The following PECAM1 variants were observed in gnomAD, a reference collection of about 807,000 sequenced individuals.
PECAM1 encodes platelet and endothelial cell adhesion molecule 1.
Under a neutral mutation model 13.8 loss-of-function variants are expected in PECAM1, and 8 were observed. The ratio of observed to expected loss-of-function variants is 0.58; its 90% CI spans 0.34 to 1.05. The LOEUF (loss-of-function observed/expected upper bound fraction) is 1.05. PECAM1 is among the 50% of genes least tolerant of loss of function. The pLI, the probability that PECAM1 is intolerant of heterozygous loss-of-function variation, is 0.03. For missense variants in PECAM1, 304 were observed against 141.2 expected (o/e 2.15, Z -5.84); for synonymous variants, 136 against 52.6 (o/e 2.58, Z -6.86).
intron 2 of PECAM1, among the ~76,000 whole-genome samples, chr17:64,386,878 G>A (rs2036604471): frequency 6.6e-6 from 1 of 152,196 alleles, no homozygotes. Context: ...TCAAAGGTCA[G>A]CCTGTGTTAA....
At chr17:64,357,651 C>T (rs971169752) in intron 7 of PECAM1, among the ~76,000 whole-genome samples, 1,752 of 152,310 alleles carry the variant, frequency 0.012, 33 homozygotes, top group African/African-American at 0.04. Flanking sequence ...CCACCACCCA[C>T]CAGCTGTCTG....
At chr17:64,360,000 C>G in intron 7 of PECAM1, 140 bp downstream of exon 7, 1 of 469,728 alleles carries the variant, frequency 2.1e-6, no homozygotes, top group East Asian at 3.1e-5. Context: ...GATTCACCGG[C>G]CTTGGCCTCC....
At chr17:64,384,359 C>T (rs2036547665) in intron 2 of PECAM1, among the ~76,000 whole-genome samples, 1 of 152,176 alleles carries the variant, frequency 6.6e-6, no homozygotes, top group Non-Finnish European at 1.5e-5. Context: ...ACAACCACCA[C>T]CACCTCCCTT....
chr17:64,333,791 C>G (rs2035191652), intron 14 of PECAM1, among the ~76,000 whole-genome samples: 1 of 151,556 alleles, frequency 6.6e-6, no homozygotes. Context: ...AACCCCATCT[C>G]TACTAAAATA....
intron 12 of PECAM1, 61 bp from the exon 13 acceptor site, chr17:64,348,383 T>A (rs1290426643): frequency 4.3e-6 from 2 of 468,294 alleles, no homozygotes; most frequent in Admixed American, 3.2e-5. Context: ...GCACCTCAGA[T>A]CATAGAAGTA....
chr17:64,354,797 T>C (rs993856243), intron 9 of PECAM1, 136 bp downstream of exon 9: 85 of 412,362 alleles, frequency 2.1e-4, no homozygotes, highest in Non-Finnish European at 3.2e-4. Context: ...TTATCTTTTC[T>C]GGTTTGCCCA....
intron 13 of PECAM1, among the ~76,000 whole-genome samples, chr17:64,343,845 A>AT (rs2035493617): frequency 6.6e-6 from 1 of 152,116 alleles, no homozygotes; most frequent in African/African-American, 2.4e-5. Flanking sequence ...AGCTGTAGGG[A>AT]TCCCCAACCC....
At chr17:64,342,047 A>AT (rs1364214665) in intron 13 of PECAM1, among the ~76,000 whole-genome samples, 1 of 151,428 alleles carries the variant, frequency 6.6e-6, no homozygotes, top group Non-Finnish European at 1.5e-5. Flanking sequence ...GTTACTCGAG[A>AT]GCTAAGGGAC....
At chr17:64,346,109 C>T (rs1484940218) in intron 13 of PECAM1, among the ~76,000 whole-genome samples, 1 of 152,166 alleles carries the variant, frequency 6.6e-6, no homozygotes, top group Non-Finnish European at 1.5e-5. Flanking sequence ...AAAACTACCC[C>T]AGGCCTGCCT....
chr17:64,342,925 A>T (rs1294934801), intron 13 of PECAM1, among the ~76,000 whole-genome samples: 5 of 152,138 alleles, frequency 3.3e-5, no homozygotes, highest in African/African-American at 1.2e-4. Context: ...ATGTACAAAC[A>T]TGCAATCTGG....
chr17:64,332,367 T>C (rs9912788), intron 14 of PECAM1, among the ~76,000 whole-genome samples: 14,891 of 52,932 alleles, frequency 0.28, 1,258 homozygotes, highest in African/African-American at 0.4. Flanking sequence ...TGGAACCTCT[T>C]TCCCAACAGC....
chr17:64,385,859 T>C (rs1046200630), intron 2 of PECAM1, among the ~76,000 whole-genome samples: 5 of 152,194 alleles, frequency 3.3e-5, no homozygotes, highest in African/African-American at 7.2e-5. Flanking sequence ...CTTCTGGGCA[T>C]GGCCCATTAC....
intron 2 of PECAM1, among the ~76,000 whole-genome samples, 198 bp from the exon 3 acceptor site, chr17:64,378,315 A>G (rs2036408450): frequency 6.6e-6 from 1 of 152,146 alleles, no homozygotes; most frequent in Admixed American, 6.6e-5. Flanking sequence ...CTAAGCTGCA[A>G]CTTTTCCCAC....
intron 9 of PECAM1, among the ~76,000 whole-genome samples, chr17:64,354,085 AC>A (rs2035795116): frequency 6.6e-6 from 1 of 151,780 alleles, no homozygotes; most frequent in East Asian, 1.9e-4. Context: ...AATTACAGGC[AC>A]CCATCACCAC....
intron 11 of PECAM1, among the ~76,000 whole-genome samples, chr17:64,351,704 T>TA (rs1309033509): frequency 3.4e-5 from 5 of 148,092 alleles, no homozygotes; most frequent in Non-Finnish European, 6.0e-5. Context: ...AGACCCTGTC[T>TA]AAAAAAAAAA....
At chr17:64,363,636 A>G (rs1445007640) in intron 5 of PECAM1, among the ~76,000 whole-genome samples, 3 of 152,180 alleles carry the variant, frequency 2.0e-5, no homozygotes, top group Non-Finnish European at 4.4e-5. Context: ...TATTTCAATG[A>G]CAAGGATTAG....
chr17:64,386,403 CA>C (rs59994359), intron 2 of PECAM1, among the ~76,000 whole-genome samples: 1,799 of 113,044 alleles, frequency 0.016, 26 homozygotes, highest in African/African-American at 0.051. Context: ...GAGACTCTGT[CA>C]AAAAAAAAAA....
intron 14 of PECAM1, among the ~76,000 whole-genome samples, chr17:64,338,793 A>C (rs2143720143): frequency 6.6e-6 from 1 of 152,238 alleles, no homozygotes; most frequent in African/African-American, 2.4e-5. Flanking sequence ...TCCTGACCTC[A>C]GGTGATCCAC....
chr17:64,372,992 A>G (rs1319702981), intron 4 of PECAM1, among the ~76,000 whole-genome samples: 1 of 151,268 alleles, frequency 6.6e-6, no homozygotes, highest in Admixed American at 6.6e-5. Context: ...CACATGCCTA[A>G]TCCCAACTAC....
Sources: gnomAD v4.1 joint callset for allele counts (sites outside exome capture counted in the v4.1 genomes callset) on GRCh38, gnomAD v4.1.1 for gene constraint, MANE v1.5 for transcripts, NCBI Gene and HGNC (gene_info 2026-07-23, HGNC 2026-07-21) for gene names.